The following SMAP1 variants were observed in gnomAD, a reference collection of about 807,000 sequenced individuals.
The protein encoded by SMAP1 is stromal membrane-associated protein 1.
A neutral mutation model predicts 58.5 loss-of-function variants in SMAP1; 24 were observed. The ratio of observed to expected loss-of-function variants is 0.41; its 90% CI spans 0.30 to 0.58. The LOEUF is 0.58. SMAP1 is among the 20% of genes least tolerant of loss of function. SMAP1 has a pLI of 0.29. For missense variants in SMAP1, 563 were observed against 566.3 expected, an observed-to-expected ratio of 0.99 and a Z score of 0.06; for synonymous variants, 216 against 196.6, an observed-to-expected ratio of 1.10 and a Z score of -0.82.
At chr6:70,802,669 A>G (rs537486060) in intron 6 of SMAP1, among the ~76,000 whole-genome samples, 4 of 152,302 alleles carry the variant, frequency 2.6e-5, no homozygotes, top group African/African-American at 9.6e-5. Context: ...TATTATTTTG[A>G]GATATGTTTC....
rs1399059459 is a variant in SMAP1, at chr6:70,794,248, T to C, written c.495+2479T>C. On this transcript the variant is annotated intron_variant, in intron 5 of 10. Transcript: ENST00000370455. ...TATTTTGTTCTTGCTGAGAAAATAGTTTAAAACAACTTAGGTTTTCACAGT... is the reference window on the plus strand; with the variant it reads ...TATTTTGTTCTTGCTGAGAAAATAGCTTAAAACAACTTAGGTTTTCACAGT... 3.3e-5 allele frequency among the ~76,000 whole-genome samples: 5 copies of C among 152,296 alleles called. No individual in the cohort carries two copies. In the East Asian group the frequency reaches 9.6e-4, roughly 29 times the overall value.
chr6:70,779,439 A>G (rs1294391551), intron 4 of SMAP1, among the ~76,000 whole-genome samples: 1 of 152,088 alleles, frequency 6.6e-6, no homozygotes, highest in African/African-American at 2.4e-5. Flanking sequence ...TCTCTCTGAG[A>G]TAGTTTAGTT....
chr6:70,849,769 A>G (rs530109284), intron 7 of SMAP1, among the ~76,000 whole-genome samples: 2 of 152,202 alleles, frequency 1.3e-5, no homozygotes, highest in African/African-American at 4.8e-5. Context: ...ATATTTTACA[A>G]TGTATAATCA....
At chr6:70,853,882 C>T (rs112489343) in intron 8 of SMAP1, among the ~76,000 whole-genome samples, 4,501 of 152,200 alleles carry the variant, frequency 0.03, 251 homozygotes, top group African/African-American at 0.1. Flanking sequence ...TGTGAAAAGC[C>T]ATTTATTTTT....
At chr6:70,820,948 A>C (rs764647235) in intron 6 of SMAP1, among the ~76,000 whole-genome samples, 6 of 152,170 alleles carry the variant, frequency 3.9e-5, no homozygotes, top group Non-Finnish European at 8.8e-5. Flanking sequence ...ACAGTGGTTC[A>C]AGGGAATAAT....
rs745587315 is a variant in SMAP1, at chr6:70,725,093, GTTTTTTTTTTTTTTTTTTT to G, written c.119-7262_119-7244del. Among the ~76,000 whole-genome samples, 73 of 47,818 alleles carry G rather than the reference GTTTTTTTTTTTTTTTTTTT, an allele frequency of 1.5e-3. 1 individual carries two copies. The East Asian group carries it at 0.021, about 13-fold the overall frequency. The allele number at this position is 47,818 out of a possible 152,430, so 31.4% of individuals were successfully genotyped here. A position where few individuals can be genotyped will look rare whatever the true frequency, so the allele number is the denominator to read the frequency against. Reference sequence around the variant, plus strand: ...GACTCCATATCCTAAATTAACCAGTGTTTTTTTTTTTTTTTTTTTTTTTTTTTTTTTTTTTTTTTTTGAG... The same window carrying G: ...GACTCCATATCCTAAATTAACCAGTGTTTTTTTTTTTTTTTTTTTTTTGAG... On this transcript the variant is annotated intron_variant, in intron 1 of 10. Transcript: ENST00000370455.
rs573226005 is a variant in SMAP1 at position 70,817,272 on chromosome 6, T to A, written c.576+18535T>A. Among the ~76,000 whole-genome samples the A allele has an allele frequency of 2.6e-5, 4 of 152,230 alleles. No homozygotes were observed. The South Asian group carries it at 8.3e-4, about 32-fold the overall frequency. On this transcript the variant is annotated intron_variant, in intron 6 of 10. Coordinates refer to ENST00000370455, the MANE Select transcript of SMAP1 (RefSeq NM_001044305.3). ...CACCTTAGGACCTTTATTGCTTTAG[T>A]ATTGTAGACTTTAAATTTCTGGAAC...
At chr6:70,779,400 C>G (rs749958383) in intron 4 of SMAP1, among the ~76,000 whole-genome samples, 5 of 152,130 alleles carry the variant, frequency 3.3e-5, no homozygotes, top group Non-Finnish European at 7.3e-5. Context: ...CAGCTTGGTC[C>G]CAGTGGGTGG....
At chr6:70,727,857 G>T (rs1765248282) in intron 1 of SMAP1, among the ~76,000 whole-genome samples, 2 of 152,102 alleles carry the variant, frequency 1.3e-5, no homozygotes, top group African/African-American at 4.8e-5. Context: ...GAGCCCAGAA[G>T]TTTGAGACCA....
At chr6:70,836,168 ACCC>A (rs1770575823) in intron 6 of SMAP1, among the ~76,000 whole-genome samples, 3 of 152,134 alleles carry the variant, frequency 2.0e-5, no homozygotes. Flanking sequence ...ATAAAGACAT[ACCC>A]GAGACTGGGC....
chr6:70,685,756 A>G (rs1766910193), intron 1 of SMAP1, among the ~76,000 whole-genome samples: 1 of 152,176 alleles, frequency 6.6e-6, no homozygotes, highest in African/African-American at 2.4e-5. Flanking sequence ...TACTCCATTC[A>G]ACACTTGTCT....
intron 7 of SMAP1, among the ~76,000 whole-genome samples, chr6:70,840,118 G>A (rs1036977821): frequency 6.6e-6 from 1 of 152,208 alleles, no homozygotes; most frequent in Non-Finnish European, 1.5e-5. Flanking sequence ...CCGTATGAGT[G>A]AGACTAGAAC....
At position 70,857,922 on chromosome 6, in the gene SMAP1, G is replaced by A. The variant is rs374744107; in HGVS notation, c.962G>A (p.Gly321Asp). 7.4e-6 allele frequency: 12 copies of A among 1,613,386 alleles called. No individual in the cohort carries two copies. Among genetic ancestry groups the A allele is most frequent in the Non-Finnish European group, 1.0e-5 (12 of 1,179,658 alleles). The change falls in exon 10 of 11, where the codon GGT becomes GAT. Residue 321 changes from glycine to aspartate, a missense_variant and splice_region_variant. Gly to Asp is a moderately conservative substitution (Grantham distance 94). This residue lies in a region of SMAP1 where 494 missense variants were observed against 473.8 expected (regional missense o/e 1.04). Transcript: ENST00000370455. ...CATTCATTTTCTTTTTGTGGTGCAGGTGTATTTATGGGACCCACAAATATA... is the reference window on the plus strand; with the variant it reads ...CATTCATTTTCTTTTTGTGGTGCAGATGTATTTATGGGACCCACAAATATA... ...TGTIQQQSTP[G>D]VFMGPTNIPF... is the part of the protein sequence containing the mutation.
chr6:70,796,039 C>G (rs1256979917), intron 5 of SMAP1, among the ~76,000 whole-genome samples: 1 of 152,108 alleles, frequency 6.6e-6, no homozygotes, highest in Non-Finnish European at 1.5e-5. Flanking sequence ...TCCTTCTCAA[C>G]ATATTAATGA....
At chr6:70,768,671 A>G (rs1229876579) in intron 3 of SMAP1, among the ~76,000 whole-genome samples, 3 of 151,478 alleles carry the variant, frequency 2.0e-5, no homozygotes, top group East Asian at 1.9e-4. Context: ...CTAGTGGTCT[A>G]TCAATTTTGT....
chr6:70,748,376 C>A (rs755658407), intron 2 of SMAP1, among the ~76,000 whole-genome samples: 1 of 151,844 alleles, frequency 6.6e-6, no homozygotes. Context: ...AGTAGTTTCC[C>A]CCCTCCCACA....
chr6:70,688,851 C>A (rs573697051), intron 1 of SMAP1, among the ~76,000 whole-genome samples: 1 of 152,164 alleles, frequency 6.6e-6, no homozygotes, highest in Admixed American at 6.5e-5. Flanking sequence ...ATTTGCCTAA[C>A]CCTAGATCCT....
At chr6:70,675,698 A>G (rs1766456542) in intron 1 of SMAP1, among the ~76,000 whole-genome samples, 1 of 151,686 alleles carries the variant, frequency 6.6e-6, no homozygotes, top group Non-Finnish European at 1.5e-5. Context: ...AGTGACTGGC[A>G]CTTTCTTAGG....
At chr6:70,849,023 A>G (rs144313483) in intron 7 of SMAP1, among the ~76,000 whole-genome samples, 2 of 152,324 alleles carry the variant, frequency 1.3e-5, no homozygotes, top group Non-Finnish European at 2.9e-5. Flanking sequence ...TAAGGGATCA[A>G]TCACATGGGG....
Sources: gnomAD v4.1 joint callset for allele counts (sites outside exome capture counted in the v4.1 genomes callset) on GRCh38, gnomAD v4.1.1 for gene constraint, gnomAD v4.1.1 regional missense constraint, MANE v1.5 for transcripts, NCBI Gene and HGNC (gene_info 2026-07-23, HGNC 2026-07-21) for gene names.